CDH2: variants seen among roughly 807,000 people sequenced by gnomAD.
CDH2 encodes the protein cadherin-2.
In CDH2, 17 loss-of-function variants were observed where a neutral mutation model predicts 92.0. That is an observed-to-expected ratio of 0.18 (90% confidence interval 0.13 to 0.28). CDH2 has a LOEUF of 0.28. Ranked by LOEUF, CDH2 falls within the 10% of genes least tolerant of loss-of-function variation. CDH2 has a pLI of 1.00. For missense variants in CDH2, 862 were observed against 1,133.1 expected (o/e 0.76, Z 3.44); for synonymous variants, 419 against 415.9 (o/e 1.01, Z -0.09).
intron 2 of CDH2, among the ~76,000 whole-genome samples, chr18:28,072,158 A>G (rs989207922): frequency 2.6e-5 from 4 of 151,068 alleles, no homozygotes; most frequent in African/African-American, 9.8e-5. Context: ...CTCCTCTCCC[A>G]TTTTCGTGCG....
intron 14 of CDH2, among the ~76,000 whole-genome samples, chr18:27,969,123 T>C (rs17522068): frequency 1.3e-5 from 2 of 152,210 alleles, no homozygotes; most frequent in Admixed American, 6.5e-5. Context: ...TGAAACGATG[T>C]GGAAAACTAA....
intron 7 of CDH2, among the ~76,000 whole-genome samples, chr18:28,001,670 G>C (rs1039016955): frequency 6.6e-6 from 1 of 152,136 alleles, no homozygotes; most frequent in Non-Finnish European, 1.5e-5. Context: ...TCTAGAAAAA[G>C]AACTGTTGAT....
Position 27,963,406 on chromosome 18 carries a change from A to G in CDH2, c.2465T>C (p.Val822Ala), listed in dbSNP as rs779600795. 2.3e-5 allele frequency: 37 copies of G among 1,614,034 alleles called. No homozygotes were observed. Among genetic ancestry groups the G allele is most frequent in the Non-Finnish European group, 3.1e-5 (36 of 1,179,996 alleles). The change falls in exon 15 of 16, where the codon GTC (valine) becomes GCC (alanine). Residue 822 changes from valine (V) to alanine (A), a missense_variant. By Grantham distance (64) the Val-to-Ala change is moderately conservative. This residue lies in a region of CDH2 where 114 missense variants were observed against 144.8 expected (regional missense o/e 0.79). Coordinates refer to ENST00000269141, the MANE Select transcript of CDH2 (RefSeq NM_001792.5). ...RPIHAEPQYP[V>A]RSAAPHPGDI... The stretch of plus-strand genomic sequence containing the variant: ...TCCAGGGTGTGGGGCTGCAGATCGG[A>G]CCGGATACTGGGGCTCGGCGTGGAT...
chr18:27,943,228 C>T (rs952211425), intron 6 of CDH2, among the ~76,000 whole-genome samples: 10 of 152,148 alleles, frequency 6.6e-5, no homozygotes, highest in African/African-American at 2.2e-4. Context: ...ATTCACTCAG[C>T]CCTCTGTCTT....
chr18:27,987,102 C>T (rs566393008), intron 11 of CDH2, among the ~76,000 whole-genome samples: 2 of 152,256 alleles, frequency 1.3e-5, no homozygotes, highest in South Asian at 4.1e-4. Context: ...GAAAACAATC[C>T]TTCCTGGTGA....
intron 2 of CDH2, among the ~76,000 whole-genome samples, chr18:28,025,676 C>T (rs2013533892): frequency 6.6e-6 from 1 of 151,376 alleles, no homozygotes; most frequent in Non-Finnish European, 1.5e-5. Flanking sequence ...GATACATGTA[C>T]ATGTACTACA....
intron 14 of CDH2, among the ~76,000 whole-genome samples, chr18:27,970,332 C>CA (rs1440117257): frequency 6.6e-6 from 1 of 150,906 alleles, no homozygotes; most frequent in Non-Finnish European, 1.5e-5. Flanking sequence ...TTTCTTCTTG[C>CA]AAAAAACAAA....
At chr18:28,007,247 G>A (rs2012961712) in intron 5 of CDH2, among the ~76,000 whole-genome samples, 1 of 146,706 alleles carries the variant, frequency 6.8e-6, no homozygotes, top group African/African-American at 2.5e-5. Context: ...AGTTTTATAG[G>A]TATTCTTCTA....
intron 15 of CDH2, among the ~76,000 whole-genome samples, chr18:27,958,230 C>G (rs2011299667): frequency 6.6e-6 from 1 of 151,980 alleles, no homozygotes; most frequent in African/African-American, 2.4e-5. Flanking sequence ...TCTATAAGAC[C>G]ATAATGAGAT....
chr18:27,989,718 T>C (rs1231286429), intron 10 of CDH2, among the ~76,000 whole-genome samples: 2 of 152,204 alleles, frequency 1.3e-5, no homozygotes, highest in African/African-American at 4.8e-5. Context: ...TAAGCTTTCT[T>C]TCCTTCATGA....
At chr18:27,998,382 G>A (rs902384357) in intron 7 of CDH2, among the ~76,000 whole-genome samples, 1 of 152,128 alleles carries the variant, frequency 6.6e-6, no homozygotes, top group Admixed American at 6.5e-5. Flanking sequence ...TACAGATGAG[G>A]AAATGGGCTT....
chr18:28,151,915 T>C (rs553665355), intron 1 of CDH2, among the ~76,000 whole-genome samples: 7 of 152,338 alleles, frequency 4.6e-5, no homozygotes, highest in Admixed American at 4.6e-4. Context: ...ACAATCAGTA[T>C]ATGAATGAAC....
intron 2 of CDH2, among the ~76,000 whole-genome samples, chr18:28,033,004 C>T (rs1415993776): frequency 6.6e-6 from 1 of 151,986 alleles, no homozygotes; most frequent in South Asian, 2.1e-4. Context: ...AACTAAAGTG[C>T]TTAATAATTA....
At chr18:28,156,487 G>GC (rs1598515154) in intron 1 of CDH2, among the ~76,000 whole-genome samples, 45 of 143,098 alleles carry the variant, frequency 3.1e-4, no homozygotes, top group Admixed American at 4.7e-4. Flanking sequence ...CCCAGGTACA[G>GC]AATGTCACCT....
At chr18:28,097,851 A>G (rs2015162376) in intron 2 of CDH2, among the ~76,000 whole-genome samples, 1 of 152,220 alleles carries the variant, frequency 6.6e-6, no homozygotes, top group African/African-American at 2.4e-5. Flanking sequence ...AATAAGTTTT[A>G]TAATTTTTTC....
intron 6 of CDH2, among the ~76,000 whole-genome samples, chr18:28,005,181 T>C (rs1248987004): frequency 6.6e-6 from 1 of 152,178 alleles, no homozygotes; most frequent in Non-Finnish European, 1.5e-5. Context: ...AAGTGTGTCA[T>C]ATTTTTAATA....
chr18:28,008,821 C>A (rs1191363870), intron 5 of CDH2, among the ~76,000 whole-genome samples: 2 of 151,460 alleles, frequency 1.3e-5, no homozygotes, highest in Non-Finnish European at 2.9e-5. Flanking sequence ...TATCAGTGGG[C>A]AAAATAAGAG....
At chr18:27,964,983 T>A (rs1299535451) in intron 14 of CDH2, among the ~76,000 whole-genome samples, 1 of 152,098 alleles carries the variant, frequency 6.6e-6, no homozygotes, top group Non-Finnish European at 1.5e-5. Context: ...AAGGAAAAGG[T>A]CAGTAACTTC....
At chr18:28,108,645 A>C (rs556473194) in intron 2 of CDH2, among the ~76,000 whole-genome samples, 4 of 152,266 alleles carry the variant, frequency 2.6e-5, no homozygotes, top group Non-Finnish European at 4.4e-5. Flanking sequence ...AATATATGTA[A>C]ATTTCAATTA....
Sources: gnomAD v4.1 joint callset for allele counts (sites outside exome capture counted in the v4.1 genomes callset) on GRCh38, gnomAD v4.1.1 for gene constraint, gnomAD v4.1.1 regional missense constraint, MANE v1.5 for transcripts, NCBI Gene and HGNC (gene_info 2026-07-23, HGNC 2026-07-21) for gene names.